The following MPP7 variants were observed in gnomAD, a reference collection of about 807,000 sequenced individuals.
MPP7 encodes MAGUK p55 subfamily member 7.
In MPP7, 60 loss-of-function variants were observed where a neutral mutation model predicts 76.5. That is an observed-to-expected ratio of 0.78 (90% CI 0.64 to 0.97). The LOEUF (loss-of-function observed/expected upper bound fraction) is 0.97, where lower values mean the gene tolerates loss of function less well. Among genes scored for constraint, MPP7 ranks in the 50% least tolerant of loss-of-function variants. The probability of loss-of-function intolerance (pLI) is 0.00; values close to 1 mark genes in which losing one functional copy is unlikely to be tolerated. For missense variants in MPP7, 641 were observed against 694.0 expected (o/e 0.92, Z 0.86); for synonymous variants, 237 against 244.5 (o/e 0.97, Z 0.29).
intron 3 of MPP7, among the ~76,000 whole-genome samples, chr10:28,165,186 C>T (rs1321115820): frequency 6.6e-6 from 1 of 152,106 alleles, no homozygotes; most frequent in African/African-American, 2.4e-5. Context: ...GAGCCTGTGA[C>T]TATGTTACCT....
chr10:28,288,543 GTTA>G (rs1840838783), intron 1 of MPP7, among the ~76,000 whole-genome samples: 3 of 152,088 alleles, frequency 2.0e-5, no homozygotes, highest in Admixed American at 6.6e-5. Context: ...ACCCAGCCAG[GTTA>G]TTATGTTTTA....
Position 28,056,115 on chromosome 10 carries a change from G to A in MPP7, c.1551+365C>T, listed in dbSNP as rs185162725. On this transcript the variant is annotated intron_variant, in intron 16 of 16. Transcript: ENST00000683449. ...TGTTGAGACAGGGTCTCACTCTGTC[G>A]CCCAGGCTGGAGTGTAGTGGTGTGA... 1.6e-3 allele frequency among the ~76,000 whole-genome samples: 244 copies of A among 152,056 alleles called. 2 individuals are homozygous for A. The highest frequency in any genetic ancestry group is 5.6e-3 in the African/African-American group (233 of 41,458).
chr10:28,141,537 A>G (rs957241401), intron 5 of MPP7, among the ~76,000 whole-genome samples: 3 of 152,220 alleles, frequency 2.0e-5, no homozygotes, highest in African/African-American at 7.2e-5. Flanking sequence ...GAAACAACAT[A>G]CTTGTTAGAA....
chr10:28,215,012 A>G (rs1348957693), intron 2 of MPP7, among the ~76,000 whole-genome samples: 1 of 152,092 alleles, frequency 6.6e-6, no homozygotes, highest in Admixed American at 6.5e-5. Flanking sequence ...CCAGACAGGT[A>G]ATCTGGCTCA....
intron 2 of MPP7, among the ~76,000 whole-genome samples, chr10:28,221,502 T>C (rs1426545532): frequency 6.6e-6 from 1 of 152,184 alleles, no homozygotes; most frequent in African/African-American, 2.4e-5. Flanking sequence ...GGAATTATTC[T>C]ACCAAGAGCA....
chr10:28,125,234 T>A, intron 6 of MPP7, 143 bp from the exon 7 acceptor site: 1 of 664,772 alleles, frequency 1.5e-6, no homozygotes, highest in Non-Finnish European at 2.6e-6. Context: ...AAAATAGACA[T>A]CATGCCATTT....
At chr10:28,182,337 T>A (rs1209437579) in intron 3 of MPP7, among the ~76,000 whole-genome samples, 1 of 152,232 alleles carries the variant, frequency 6.6e-6, no homozygotes, top group Non-Finnish European at 1.5e-5. Context: ...TGGTCTGGAT[T>A]GGAAGTTGGC....
At chr10:28,194,965 G>A (rs1837532849) in intron 3 of MPP7, among the ~76,000 whole-genome samples, 1 of 152,170 alleles carries the variant, frequency 6.6e-6, no homozygotes, top group Non-Finnish European at 1.5e-5. Context: ...AAGGGGAGAA[G>A]GGGGATATGG....
intron 3 of MPP7, among the ~76,000 whole-genome samples, chr10:28,185,381 G>C (rs1209126767): frequency 6.6e-6 from 1 of 152,068 alleles, no homozygotes; most frequent in Non-Finnish European, 1.5e-5. Context: ...CTTTGCAAAA[G>C]GGTGGGACAT....
At chr10:28,270,429 T>C (rs1470144663) in intron 1 of MPP7, among the ~76,000 whole-genome samples, 1 of 150,996 alleles carries the variant, frequency 6.6e-6, no homozygotes, top group East Asian at 1.9e-4. Context: ...CACCCACCTG[T>C]AGTCCCAGTT....
At chr10:28,313,110 C>T (rs992491918) in intron 2 of MPP7, among the ~76,000 whole-genome samples, 1 of 152,182 alleles carries the variant, frequency 6.6e-6, no homozygotes, top group Non-Finnish European at 1.5e-5. Context: ...TCCTGTCTAG[C>T]ACCTTTATCC....
chr10:28,062,770 A>G (rs1237005033), intron 13 of MPP7, among the ~76,000 whole-genome samples: 1 of 152,196 alleles, frequency 6.6e-6, no homozygotes, highest in Non-Finnish European at 1.5e-5. Flanking sequence ...CGTTATATTA[A>G]TGGTAAAGGA....
chr10:28,296,122 T>C (rs1732175191), intron 1 of MPP7, among the ~76,000 whole-genome samples: 1 of 152,176 alleles, frequency 6.6e-6, no homozygotes, highest in South Asian at 2.1e-4. Flanking sequence ...TATAAACCTG[T>C]CTTAAAATGC....
rs569970718 is a variant in MPP7 at position 28,219,384 on chromosome 10, C to T, written c.38-17113G>A. Reference sequence around the variant, plus strand: ...GCTCAGAATTTGATGAAAGTGTTCCCGCAGCGAACAATTCACTCTGCTTGC... The same window carrying T: ...GCTCAGAATTTGATGAAAGTGTTCCTGCAGCGAACAATTCACTCTGCTTGC... On this transcript the variant is annotated intron_variant, in intron 2 of 16. Transcript: ENST00000683449. 4.5e-4 allele frequency among the ~76,000 whole-genome samples: 68 copies of T among 152,206 alleles called. 1 individual carries two copies. The highest frequency in any genetic ancestry group is 1.4e-3 in the African/African-American group (58 of 41,530).
At chr10:28,193,248 T>C (rs1477333025) in intron 3 of MPP7, among the ~76,000 whole-genome samples, 4 of 150,780 alleles carry the variant, frequency 2.7e-5, no homozygotes, top group East Asian at 1.9e-4. Context: ...AGTCTCGCTC[T>C]GTCGCCCAGG....
chr10:28,112,374 G>A (rs1290534972), intron 11 of MPP7, among the ~76,000 whole-genome samples: 1 of 151,898 alleles, frequency 6.6e-6, no homozygotes, highest in Non-Finnish European at 1.5e-5. Flanking sequence ...TTAGCGCCAT[G>A]GAAATCAAAT....
intron 11 of MPP7, among the ~76,000 whole-genome samples, chr10:28,093,667 G>T (rs1362657065): frequency 6.6e-6 from 1 of 151,984 alleles, no homozygotes; most frequent in African/African-American, 2.4e-5. Flanking sequence ...GGCTGGTCTC[G>T]AACTCCTGAC....
At chr10:28,204,104 C>T (rs1156659262) in intron 2 of MPP7, among the ~76,000 whole-genome samples, 1 of 152,150 alleles carries the variant, frequency 6.6e-6, no homozygotes, top group African/African-American at 2.4e-5. Context: ...AGCCTTATTT[C>T]CCTCATGTGT....
At chr10:28,181,919 C>A (rs1475974346) in intron 3 of MPP7, among the ~76,000 whole-genome samples, 1 of 152,190 alleles carries the variant, frequency 6.6e-6, no homozygotes, top group Non-Finnish European at 1.5e-5. Context: ...ACCTCCGACT[C>A]ATACATGCTT....
Sources: allele counts gnomAD v4.1 joint callset (sites outside exome capture counted in the v4.1 genomes callset), GRCh38; gene constraint gnomAD v4.1.1; transcripts MANE v1.5; gene names NCBI Gene and HGNC (gene_info 2026-07-23, HGNC 2026-07-21).